FRYL: variants seen among roughly 807,000 people sequenced by gnomAD.
FRYL encodes the protein FRY like transcription coactivator, also known as protein furry homolog-like.
In FRYL, 150 loss-of-function variants were observed where a neutral mutation model predicts 351.2. That is an observed-to-expected ratio of 0.43 (90% CI 0.37 to 0.49). FRYL has a LOEUF of 0.49. Ranked by LOEUF, FRYL falls within the 20% of genes least tolerant of loss-of-function variation. The pLI, the probability that FRYL is intolerant of heterozygous loss-of-function variation, is 0.00. For missense variants in FRYL, 3,036 were observed against 3,619.3 expected, an observed-to-expected ratio of 0.84 and a Z score of 4.13; for synonymous variants, 1,153 against 1,257.1, an observed-to-expected ratio of 0.92 and a Z score of 1.75.
At chr4:48,578,858 A>G (rs1578201776) in intron 23 of FRYL, 115 bp downstream of exon 23, 1 of 818,016 alleles carries the variant, frequency 1.2e-6, no homozygotes, top group East Asian at 2.6e-5. Flanking sequence ...TCAATGCAGT[A>G]TCACATATTA....
chr4:48,749,229 C>T (rs1772998821), intron 1 of FRYL, among the ~76,000 whole-genome samples: 1 of 152,146 alleles, frequency 6.6e-6, no homozygotes, highest in African/African-American at 2.4e-5. Flanking sequence ...CTGAAACTAA[C>T]AGAGAAGCAC....
At chr4:48,598,761 G>A (rs1171001785) in intron 13 of FRYL, 2 of 742,502 alleles carry the variant, frequency 2.7e-6, no homozygotes, top group East Asian at 2.6e-4. Context: ...AATGGGAAAA[G>A]GAAAAACAAA....
At chr4:48,754,520 G>C (rs10003273) in intron 1 of FRYL, among the ~76,000 whole-genome samples, 77,387 of 151,902 alleles carry the variant, frequency 0.51, 20,150 homozygotes, top group South Asian at 0.61. Context: ...GAATATTTGA[G>C]TCATATGACA....
At chr4:48,680,932 A>G in intron 3 of FRYL, 1 of 1,210,506 alleles carries the variant, frequency 8.3e-7, no homozygotes, top group Non-Finnish European at 1.1e-6. Flanking sequence ...TACTTTACCT[A>G]GTTGTTGGTG....
chr4:48,592,097 T>TATATAC (rs1433819257), intron 16 of FRYL, among the ~76,000 whole-genome samples: 7 of 39,286 alleles, frequency 1.8e-4, no homozygotes, highest in African/African-American at 3.9e-4. Context: ...TATATATATA[T>TATATAC]ATATATATAT....
Position 48,561,607 on chromosome 4 carries a change from A to C in FRYL, c.3726T>G (p.Ala1242=). The C allele has an allele frequency of 6.2e-7, 1 of 1,611,056 alleles. No homozygotes were observed. Among genetic ancestry groups the C allele is most frequent in the Middle Eastern group, 1.7e-4 (1 of 6,048 alleles). ...QILEPKMFRY[A]HKLEVQRTDG... is the part of the protein sequence containing the mutation. ...CTGTTCTCTGAACCTCCAATTTGTG[A>C]GCATAGCGAAACATCTTCGGTTCCA... The change falls in exon 33 of 64, where the codon GCT becomes GCG. Residue 1242 remains alanine, a synonymous_variant. Transcript: ENST00000358350.
chr4:48,672,902 C>A (rs1354428835), intron 3 of FRYL, among the ~76,000 whole-genome samples: 2 of 152,134 alleles, frequency 1.3e-5, no homozygotes, highest in Non-Finnish European at 2.9e-5. Context: ...TTAAGAGTAT[C>A]AAACAAAAAT....
intron 1 of FRYL, among the ~76,000 whole-genome samples, chr4:48,745,907 G>A (rs572738766): frequency 6.6e-6 from 1 of 152,282 alleles, no homozygotes; most frequent in East Asian, 1.9e-4. Context: ...ACATTTAGAA[G>A]ATGATTGATT....
intron 33 of FRYL, among the ~76,000 whole-genome samples, chr4:48,560,457 T>C (rs1275816152): frequency 6.6e-6 from 1 of 151,738 alleles, no homozygotes; most frequent in Non-Finnish European, 1.5e-5. Flanking sequence ...GTGGTGGGGG[T>C]GTGGGCATGG....
At chr4:48,732,930 T>TTA (rs1553876028) in intron 1 of FRYL, among the ~76,000 whole-genome samples, 2 of 142,598 alleles carry the variant, frequency 1.4e-5, no homozygotes, top group African/African-American at 2.6e-5. Context: ...ATAACAATAT[T>TTA]AAAAAAAAAA....
chr4:48,532,763 T>C (rs1383934010), intron 49 of FRYL, among the ~76,000 whole-genome samples: 3 of 152,244 alleles, frequency 2.0e-5, no homozygotes, highest in Admixed American at 6.5e-5. Flanking sequence ...CTGGGCATCA[T>C]GAAATGCTAA....
intron 2 of FRYL, among the ~76,000 whole-genome samples, chr4:48,704,879 A>G (rs1409065196): frequency 6.0e-5 from 9 of 150,142 alleles, no homozygotes; most frequent in East Asian, 2.0e-4. Flanking sequence ...AACCCAGGAG[A>G]CGGAGGTTGC....
rs1043290729 is a variant in FRYL, at chr4:48,772,101, T to C, written c.-384+7977A>G. ...AGACATACGAATGTCACTAAATCTA[T>C]TGACTACTTAATAAGTAAGGTATAA... On this transcript the variant is annotated intron_variant, in intron 1 of 63. Coordinates refer to ENST00000358350, the MANE Select transcript of FRYL (RefSeq NM_015030.2). 1.2e-4 allele frequency among the ~76,000 whole-genome samples: 19 copies of C among 152,346 alleles called. No individual in the cohort carries two copies. The East Asian group carries it at 2.5e-3, about 20-fold the overall frequency.
intron 2 of FRYL, among the ~76,000 whole-genome samples, chr4:48,693,979 A>G (rs1391863917): frequency 9.1e-6 from 1 of 109,414 alleles, no homozygotes; most frequent in Non-Finnish European, 1.9e-5. Flanking sequence ...TAACAGAGCC[A>G]CCAAAGTGTT....
chr4:48,594,586 T>C (rs575377779), intron 15 of FRYL, among the ~76,000 whole-genome samples: 1 of 152,368 alleles, frequency 6.6e-6, no homozygotes, highest in South Asian at 2.1e-4. Flanking sequence ...TTGCTTTTAT[T>C]AATCTTACTG....
intron 35 of FRYL, among the ~76,000 whole-genome samples, chr4:48,553,919 G>A (rs1733493199): frequency 6.6e-6 from 1 of 152,186 alleles, no homozygotes; most frequent in African/African-American, 2.4e-5. Context: ...TCTATCATTG[G>A]AAAGTTGCTC....
At chr4:48,753,888 G>A (rs1433096034) in intron 1 of FRYL, among the ~76,000 whole-genome samples, 10 of 151,748 alleles carry the variant, frequency 6.6e-5, no homozygotes, top group South Asian at 2.1e-4. Context: ...AACAGATCCC[G>A]CATTTCCCCC....
In FRYL at chr4:48,606,561, C is replaced by T. The variant is rs1297291069; in HGVS notation, c.618G>A (p.Leu206=). 4 of 1,612,624 alleles carry T rather than the reference C, an allele frequency of 2.5e-6. No individual in the cohort carries two copies. The South Asian group carries it at 3.3e-5, about 13-fold the overall frequency. The change falls in exon 10 of 64, where the codon CTG becomes CTA. Residue 206 remains leucine, a synonymous_variant. Transcript: ENST00000358350. ...RKKFVTELKE[L]RQKEQSPHVV... ...CATGTGGGCTTTGTTCCTTTTGTCG[C>T]AGTTCTTTTAATTCTGTCACAAACT... is the stretch of plus-strand genomic sequence containing the variant.
At chr4:48,706,126 C>T (rs1300032921) in intron 2 of FRYL, among the ~76,000 whole-genome samples, 1 of 152,218 alleles carries the variant, frequency 6.6e-6, no homozygotes, top group Non-Finnish European at 1.5e-5. Flanking sequence ...AGCCACTGCG[C>T]CTGGCCTCAC....
Sources: gnomAD v4.1 joint callset for allele counts (sites outside exome capture counted in the v4.1 genomes callset) on GRCh38, gnomAD v4.1.1 for gene constraint, MANE v1.5 for transcripts, NCBI Gene and HGNC (gene_info 2026-07-23, HGNC 2026-07-21) for gene names.